CTNNA1: variants seen among roughly 807,000 people sequenced by gnomAD.
The protein encoded by CTNNA1 is catenin alpha 1.
In CTNNA1, 37 loss-of-function variants were observed where a neutral mutation model predicts 98.4. That is an observed-to-expected ratio of 0.38 (90% confidence interval 0.29 to 0.49). The LOEUF (loss-of-function observed/expected upper bound fraction) is 0.49, where lower values mean the gene tolerates loss of function less well. CTNNA1 is among the 20% of genes least tolerant of loss of function. The pLI is 0.95. For synonymous variants in CTNNA1, 404 were observed against 413.2 expected (o/e 0.98, Z 0.27); for missense variants, 761 against 1,147.2 (o/e 0.66, Z 4.86).
rs1766077451 is a variant in CTNNA1 at position 138,934,303 on chromosome 5, T to G, written c.*214T>G. ...AGGAGCCTACTTCTAGCTGTATTTT[T>G]TGTATGCTTAAATAAAAATAAAAAT... On this transcript the variant is annotated 3_prime_UTR_variant, in exon 18 of 18. Coordinates refer to ENST00000302763, the MANE Select transcript of CTNNA1 (RefSeq NM_001903.5). 32 of 530,250 alleles carry G rather than the reference T, an allele frequency of 6.0e-5. 1 individual carries two copies. In the South Asian group the frequency reaches 8.8e-4, roughly 15 times the overall value. The allele number at this position is 530,250 out of a possible 1,614,324, so 32.8% of individuals were successfully genotyped here. A position where few individuals can be genotyped will look rare whatever the true frequency, so the allele number is the denominator to read the frequency against.
At chr5:138,775,848 A>G (rs940563218) in intron 1 of CTNNA1, among the ~76,000 whole-genome samples, 2 of 146,834 alleles carry the variant, frequency 1.4e-5, no homozygotes, top group African/African-American at 5.0e-5. Context: ...TTAGCCTTCT[A>G]AGTAGCTGGG....
At chr5:138,801,245 C>T (rs1239932786) in intron 3 of CTNNA1, among the ~76,000 whole-genome samples, 1 of 152,182 alleles carries the variant, frequency 6.6e-6, no homozygotes, top group African/African-American at 2.4e-5. Context: ...TTTCCCTTGA[C>T]TGCGAATGGC....
intron 1 of CTNNA1, among the ~76,000 whole-genome samples, chr5:138,771,997 C>T (rs1006403961): frequency 2.0e-5 from 3 of 152,074 alleles, no homozygotes; most frequent in African/African-American, 4.8e-5. Context: ...AATGAAAATT[C>T]AGGAGCAGAC....
intron 7 of CTNNA1, among the ~76,000 whole-genome samples, chr5:138,856,146 T>A (rs1763703571): frequency 6.6e-6 from 1 of 152,222 alleles, no homozygotes; most frequent in East Asian, 1.9e-4. Context: ...TTATTAAAAT[T>A]ATATTGATAG....
At chr5:138,822,832 AT>A (rs1256259770) in intron 5 of CTNNA1, among the ~76,000 whole-genome samples, 1 of 152,252 alleles carries the variant, frequency 6.6e-6, no homozygotes, top group East Asian at 1.9e-4. Flanking sequence ...TTGAATAAAG[AT>A]GCAAACCTAA....
chr5:138,924,803 G>T (rs537994664), intron 12 of CTNNA1, 93 bp downstream of exon 12: 7 of 1,187,010 alleles, frequency 5.9e-6, no homozygotes, highest in Non-Finnish European at 8.4e-6. Flanking sequence ...GAGGAAGGAG[G>T]AGTTGGGAAC....
intron 1 of CTNNA1, among the ~76,000 whole-genome samples, chr5:138,769,147 C>A (rs1051474023): frequency 6.6e-6 from 1 of 152,042 alleles, no homozygotes; most frequent in Non-Finnish European, 1.5e-5. Context: ...CCCGCCTTGG[C>A]CTCCAAAGTT....
intron 1 of CTNNA1, among the ~76,000 whole-genome samples, chr5:138,767,474 C>T (rs1753063899): frequency 6.6e-6 from 1 of 152,200 alleles, no homozygotes; most frequent in African/African-American, 2.4e-5. Context: ...CCTCCCTGCC[C>T]TCAAACAGTA....
chr5:138,826,945 C>T (rs1297305559), intron 6 of CTNNA1, among the ~76,000 whole-genome samples: 1 of 152,142 alleles, frequency 6.6e-6, no homozygotes, highest in African/African-American at 2.4e-5. Flanking sequence ...CCACCATGCC[C>T]AACTTATTTT....
At chr5:138,867,558 C>T (rs532283720) in intron 7 of CTNNA1, among the ~76,000 whole-genome samples, 1 of 152,138 alleles carries the variant, frequency 6.6e-6, no homozygotes, top group South Asian at 2.1e-4. Flanking sequence ...TGGATTTCCT[C>T]CCACCTGTGA....
chr5:138,790,188 A>C (rs1756197780), intron 3 of CTNNA1, among the ~76,000 whole-genome samples: 1 of 152,208 alleles, frequency 6.6e-6, no homozygotes, highest in Admixed American at 6.5e-5. Context: ...GAAAGAGAGA[A>C]TTGGCCAGTT....
At chr5:138,813,229 C>T (rs541291232) in intron 5 of CTNNA1, among the ~76,000 whole-genome samples, 1 of 152,208 alleles carries the variant, frequency 6.6e-6, no homozygotes, top group Non-Finnish European at 1.5e-5. Flanking sequence ...GTGTGCCTGG[C>T]ACTGGGTGGC....
At chr5:138,881,262 C>G in intron 7 of CTNNA1, 1 of 374,562 alleles carries the variant, frequency 2.7e-6, no homozygotes. Flanking sequence ...TTTGGGAATA[C>G]AGGACTATAT....
At chr5:138,805,252 A>G (rs1016034363) in intron 3 of CTNNA1, among the ~76,000 whole-genome samples, 2 of 152,214 alleles carry the variant, frequency 1.3e-5, no homozygotes, top group African/African-American at 4.8e-5. Context: ...GATGTGGGCA[A>G]GGACACAGAT....
At chr5:138,889,533 G>A (rs1341755973) in intron 9 of CTNNA1, among the ~76,000 whole-genome samples, 2 of 152,110 alleles carry the variant, frequency 1.3e-5, no homozygotes, top group Non-Finnish European at 2.9e-5. Flanking sequence ...CATTGAGTGG[G>A]CGAGGAAGTA....
At position 138,825,540 on chromosome 5, in the gene CTNNA1, A is replaced by C. The variant is rs1204117291; in HGVS notation, c.858+741A>C. 4.7e-4 allele frequency among the ~76,000 whole-genome samples: 63 copies of C among 134,762 alleles called. 1 individual carries two copies. The highest frequency in any genetic ancestry group is 1.7e-3 in the South Asian group (7 of 4,212). The allele number at this position is 134,762 out of a possible 152,430, so 88.4% of individuals were successfully genotyped here. A position where few individuals can be genotyped will look rare whatever the true frequency, so the allele number is the denominator to read the frequency against. ...CTGTTGGGGCTAATTAAAAAAAAAA[A>C]AAACAAACCAAAAAACAGAAATTGT... On this transcript the variant is annotated intron_variant, in intron 6 of 17. Coordinates refer to ENST00000302763, the MANE Select transcript of CTNNA1 (RefSeq NM_001903.5).
At chr5:138,804,324 T>C (rs1425298229) in intron 3 of CTNNA1, among the ~76,000 whole-genome samples, 1 of 151,956 alleles carries the variant, frequency 6.6e-6, no homozygotes, top group Non-Finnish European at 1.5e-5. Context: ...TAACTCAACA[T>C]ACATAAAATT....
intron 16 of CTNNA1, 57 bp downstream of exon 16, chr5:138,930,992 C>G (rs1765177703): frequency 9.0e-7 from 1 of 1,114,872 alleles, no homozygotes; most frequent in Non-Finnish European, 1.4e-6. Flanking sequence ...TCAGGCAGCC[C>G]AGCCTGGTCC....
chr5:138,839,965 T>C (rs559031404), intron 7 of CTNNA1, among the ~76,000 whole-genome samples: 1 of 152,324 alleles, frequency 6.6e-6, no homozygotes, highest in Admixed American at 6.5e-5. Context: ...TTCCATAGAA[T>C]AGAACTTGTT....
Sources: gnomAD v4.1 joint callset for allele counts (sites outside exome capture counted in the v4.1 genomes callset) on GRCh38, gnomAD v4.1.1 for gene constraint, MANE v1.5 for transcripts, NCBI Gene and HGNC (gene_info 2026-07-23, HGNC 2026-07-21) for gene names.